The following IGF2BP2 variants were observed in gnomAD, a reference collection of about 807,000 sequenced individuals.
IGF2BP2 encodes the protein insulin like growth factor 2 mRNA binding protein 2.
In IGF2BP2, 17 loss-of-function variants were observed where a neutral mutation model predicts 75.8. That is an observed-to-expected ratio of 0.22 (90% CI 0.15 to 0.34). IGF2BP2 has a LOEUF of 0.34. IGF2BP2 is among the 10% of genes least tolerant of loss of function. IGF2BP2 has a pLI of 1.00. For missense variants in IGF2BP2, 516 were observed against 772.4 expected (o/e 0.67, Z 3.93); for synonymous variants, 288 against 295.6 (o/e 0.97, Z 0.26).
rs374035154 is a variant in IGF2BP2 at position 185,824,926 on chromosome 3, G to C, written c.35C>G (p.Pro12Arg). 1.1e-4 allele frequency: 176 copies of C among 1,561,202 alleles called. No individual in the cohort carries two copies. Among genetic ancestry groups the C allele is most frequent in the Non-Finnish European group, 1.5e-4 (171 of 1,150,706 alleles). The part of the protein sequence containing the change: ...MNKLYIGNLS[P>R]AVTADDLRQL... ...CCGGAGGTCGTCGGCGGTGACGGCG[G>C]GGCTCAGGTTCCCGATGTAAAGCTT... Residue 12 changes from proline (P) to arginine (R), a missense_variant, in exon 1 of 16, where the codon CCC becomes CGC. Transcript: ENST00000382199.
intron 2 of IGF2BP2, among the ~76,000 whole-genome samples, chr3:185,819,558 A>G (rs1273705929): frequency 1.3e-5 from 2 of 151,934 alleles, no homozygotes; most frequent in East Asian, 3.9e-4. Flanking sequence ...GGTATTACCT[A>G]GCACCATGTG....
intron 2 of IGF2BP2, among the ~76,000 whole-genome samples, chr3:185,813,619 T>C (rs1375297591): frequency 3.3e-5 from 5 of 152,216 alleles, no homozygotes; most frequent in Non-Finnish European, 7.3e-5. Flanking sequence ...ACAACTGCAC[T>C]TCAGGGGAAA....
intron 2 of IGF2BP2, chr3:185,716,351 C>T (rs1474947461): frequency 4.8e-6 from 2 of 418,544 alleles, no homozygotes; most frequent in African/African-American, 4.1e-5. Context: ...AACTGATTTG[C>T]CTTTTGGTCT....
At chr3:185,765,860 GA>G (rs1043928144) in intron 2 of IGF2BP2, among the ~76,000 whole-genome samples, 4 of 152,212 alleles carry the variant, frequency 2.6e-5, no homozygotes, top group African/African-American at 7.2e-5. Flanking sequence ...ATTTTGGGGG[GA>G]AAATTCTTGT....
intron 2 of IGF2BP2, among the ~76,000 whole-genome samples, chr3:185,760,273 C>A (rs1209123636): frequency 2.6e-5 from 4 of 152,084 alleles, no homozygotes; most frequent in African/African-American, 9.7e-5. Context: ...TGACACGTCC[C>A]CTGAGAAGTG....
At chr3:185,794,638 C>T (rs76110891) in intron 2 of IGF2BP2, among the ~76,000 whole-genome samples, 1 of 148,690 alleles carries the variant, frequency 6.7e-6, no homozygotes, top group South Asian at 2.1e-4. Context: ...GAGGTCACAT[C>T]TTTTTTTTTC....
Position 185,647,172 on chromosome 3 carries a change from G to C in IGF2BP2, c.1594-34C>G. ...GGAGAAACGGCAACGGGTTGGATAG[G>C]TTCCCTCCCCGTCAACGTGGTGGGC... On this transcript the variant is annotated intron_variant, in intron 14 of 15. Transcript: ENST00000382199. This position sits in a 1 kb window ranked among gnomAD's most constrained non-coding sequence, Gnocchi z 4.9. 1.3e-6 allele frequency: 2 copies of C among 1,487,618 alleles called. No homozygotes were observed. Among genetic ancestry groups the C allele is most frequent in the Middle Eastern group, 1.7e-4 (1 of 5,834 alleles). The allele number at this position is 1,487,618 out of a possible 1,614,324, so 92.2% of individuals were successfully genotyped here. A position where few individuals can be genotyped will look rare whatever the true frequency, so the allele number is the denominator to read the frequency against.
chr3:185,807,813 A>G (rs1213636883), intron 2 of IGF2BP2, among the ~76,000 whole-genome samples: 2 of 152,210 alleles, frequency 1.3e-5, no homozygotes, highest in African/African-American at 4.8e-5. Flanking sequence ...CCAGCCAACA[A>G]CCACATGAGT....
At chr3:185,769,822 C>T (rs1397836465) in intron 2 of IGF2BP2, among the ~76,000 whole-genome samples, 2 of 132,824 alleles carry the variant, frequency 1.5e-5, no homozygotes, top group South Asian at 2.6e-4. Context: ...AGAATGAGAC[C>T]CTGTCTCCAA....
chr3:185,778,372 G>A (rs2149789763), intron 2 of IGF2BP2, among the ~76,000 whole-genome samples: 1 of 152,292 alleles, frequency 6.6e-6, no homozygotes, highest in South Asian at 2.1e-4. Flanking sequence ...AAGCCACACA[G>A]ACAGGGAGAA....
At chr3:185,751,450 C>T (rs143487724) in intron 2 of IGF2BP2, among the ~76,000 whole-genome samples, 296 of 151,308 alleles carry the variant, frequency 2.0e-3, no homozygotes, top group South Asian at 2.9e-3. Context: ...TGGTGGCGCA[C>T]GCCTGTAATT....
chr3:185,768,456 T>A, intron 2 of IGF2BP2, among the ~76,000 whole-genome samples: 1 of 152,204 alleles, frequency 6.6e-6, no homozygotes. Context: ...AATATGATAA[T>A]GATAAAGAAC....
intron 2 of IGF2BP2, among the ~76,000 whole-genome samples, chr3:185,788,878 A>C (rs961364351): frequency 1.3e-5 from 2 of 151,828 alleles, no homozygotes; most frequent in South Asian, 4.2e-4. Context: ...CACCCAGCTA[A>C]TTTTGGTATT....
Position 185,776,068 on chromosome 3 carries a change from G to A in IGF2BP2, c.239+47085C>T, listed in dbSNP as rs1167405341. ...AGACGAACCTGGACAACACAGTGAG[G>A]TCACGTCTTTATAAAAAACTTAACA... On this transcript the variant is annotated intron_variant, in intron 2 of 15. Coordinates refer to ENST00000382199, the MANE Select transcript of IGF2BP2 (RefSeq NM_006548.6). 3.3e-5 allele frequency among the ~76,000 whole-genome samples: 5 copies of A among 152,008 alleles called. No homozygotes were observed. In the East Asian group the frequency reaches 9.6e-4, roughly 29 times the overall value.
intron 6 of IGF2BP2, among the ~76,000 whole-genome samples, chr3:185,688,717 C>G (rs1025728389): frequency 6.6e-6 from 1 of 152,180 alleles, no homozygotes; most frequent in African/African-American, 2.4e-5. Context: ...TTTCCAAGAT[C>G]ACAAAACCAT....
Position 185,733,432 on chromosome 3 carries a change from A to G in IGF2BP2, c.240-35085T>C, listed in dbSNP as rs1320091613. ...TATGTTAGCAAAGGCAGACAAAGAA[A>G]GCCCTATGTGTTTAAAATTTAACAG... On this transcript the variant is annotated intron_variant, in intron 2 of 15. Coordinates refer to ENST00000382199, the MANE Select transcript of IGF2BP2 (RefSeq NM_006548.6). Among the ~76,000 whole-genome samples, 5 of 152,196 alleles carry G rather than the reference A, an allele frequency of 3.3e-5. No individual in the cohort carries two copies. In the East Asian group the frequency reaches 9.6e-4, roughly 29 times the overall value.
intron 2 of IGF2BP2, among the ~76,000 whole-genome samples, chr3:185,791,836 C>T (rs1736682084): frequency 6.6e-6 from 1 of 152,174 alleles, no homozygotes; most frequent in South Asian, 2.1e-4. Flanking sequence ...GCTACAGTTC[C>T]AGGGATGAAC....
rs1560219228 is a variant in IGF2BP2 at position 185,647,457 on chromosome 3, C to A, written c.1594-319G>T. 6.6e-6 allele frequency among the ~76,000 whole-genome samples: 1 copy of A among 152,040 alleles called. No individual in the cohort carries two copies. On this transcript the variant is annotated intron_variant, in intron 14 of 15. Transcript: ENST00000382199. The surrounding 1 kb of genome is among the most constrained non-coding windows in gnomAD (Gnocchi z 4.9). ...TGCACATGCTCACAGAGACCCCAGGCTTTCCCATACCCCCCCACTCCCCAC... is the reference window on the plus strand; with the variant it reads ...TGCACATGCTCACAGAGACCCCAGGATTTCCCATACCCCCCCACTCCCCAC...
At chr3:185,684,841 A>AAGGAAAAAAAAAAAAGC in intron 7 of IGF2BP2, among the ~76,000 whole-genome samples, 1 of 151,958 alleles carries the variant, frequency 6.6e-6, no homozygotes, top group Non-Finnish European at 1.5e-5. Flanking sequence ...GTATGTGGGG[A>AAGGAAAAAAAAAAAAGC]AGGAAAAAAA....
Sources: gnomAD v4.1 joint callset for allele counts (sites outside exome capture counted in the v4.1 genomes callset) on GRCh38, gnomAD v4.1.1 for gene constraint, Gnocchi (gnomAD v3.1) non-coding constraint, MANE v1.5 for transcripts, NCBI Gene and HGNC (gene_info 2026-07-23, HGNC 2026-07-21) for gene names.